The following GTF2F2 variants were observed in gnomAD, a reference collection of about 807,000 sequenced individuals.
GTF2F2 encodes the protein general transcription factor IIF subunit 2.
GTF2F2 carries 23 observed loss-of-function variants against 42.2 expected under a neutral mutation model. The ratio of observed to expected loss-of-function variants is 0.55; its 90% confidence interval spans 0.39 to 0.77. The LOEUF (loss-of-function observed/expected upper bound fraction) is 0.77, where lower values mean the gene tolerates loss of function less well. Among genes scored for constraint, GTF2F2 ranks in the 30% least tolerant of loss-of-function variants. The pLI is 0.00. For synonymous variants in GTF2F2, 105 were observed against 100.8 expected, an observed-to-expected ratio of 1.04 and a Z score of -0.25; for missense variants, 261 against 287.2, an observed-to-expected ratio of 0.91 and a Z score of 0.66.
chr13:45,245,920 G>A (rs1351754273), intron 5 of GTF2F2, among the ~76,000 whole-genome samples: 1 of 132,702 alleles, frequency 7.5e-6, no homozygotes, highest in African/African-American at 2.8e-5. Context: ...CAGCCTGGGC[G>A]ACTAGCGAGA....
chr13:45,234,279 T>G (rs1874835394), intron 5 of GTF2F2, among the ~76,000 whole-genome samples: 1 of 152,214 alleles, frequency 6.6e-6, no homozygotes, highest in Non-Finnish European at 1.5e-5. Context: ...CCCTTGCATT[T>G]TGTAGTTTTT....
chr13:45,190,074 A>C (rs1403101604), intron 4 of GTF2F2, among the ~76,000 whole-genome samples: 2 of 152,158 alleles, frequency 1.3e-5, no homozygotes, highest in Admixed American at 6.5e-5. Context: ...CAACCTACAG[A>C]ATGGGAGAAA....
chr13:45,128,356 C>T (rs1034553641), intron 1 of GTF2F2, among the ~76,000 whole-genome samples: 5 of 149,230 alleles, frequency 3.4e-5, no homozygotes, highest in Admixed American at 1.3e-4. Context: ...GGGCAGATCA[C>T]GAGGTCAGGA....
intron 4 of GTF2F2, among the ~76,000 whole-genome samples, chr13:45,184,498 C>G: frequency 6.6e-6 from 1 of 151,316 alleles, no homozygotes. Flanking sequence ...AAGCAATCTT[C>G]CCACTTCGAC....
chr13:45,259,530 G>A (rs1876243901), intron 6 of GTF2F2, among the ~76,000 whole-genome samples: 1 of 151,810 alleles, frequency 6.6e-6, no homozygotes, highest in African/African-American at 2.4e-5. Flanking sequence ...GGTAATTCTA[G>A]TATGCAGCCA....
chr13:45,197,778 A>G (rs1872974188), intron 4 of GTF2F2, among the ~76,000 whole-genome samples: 1 of 152,184 alleles, frequency 6.6e-6, no homozygotes, highest in Non-Finnish European at 1.5e-5. Flanking sequence ...CTAAAACTAT[A>G]AAAATGGTGC....
chr13:45,249,688 C>G (rs779568237), intron 5 of GTF2F2, among the ~76,000 whole-genome samples: 1 of 152,190 alleles, frequency 6.6e-6, no homozygotes, highest in Non-Finnish European at 1.5e-5. Context: ...TAGTGCATGC[C>G]TCCTTCCTTG....
At chr13:45,271,672 C>T (rs925223714) in intron 7 of GTF2F2, among the ~76,000 whole-genome samples, 3 of 152,110 alleles carry the variant, frequency 2.0e-5, no homozygotes, top group African/African-American at 7.2e-5. Flanking sequence ...CTGCCTCAGC[C>T]CCCCGAGTAG....
chr13:45,222,390 T>C (rs969855509), intron 5 of GTF2F2, among the ~76,000 whole-genome samples: 10 of 152,184 alleles, frequency 6.6e-5, no homozygotes, highest in African/African-American at 2.4e-4. Context: ...AAGTTTTTTA[T>C]TTGTTGAGTC....
At chr13:45,243,872 G>T (rs572267486) in intron 5 of GTF2F2, among the ~76,000 whole-genome samples, 62 of 152,272 alleles carry the variant, frequency 4.1e-4, no homozygotes, top group African/African-American at 1.4e-3. Context: ...TGTTGGCCAG[G>T]CTGGTCTCAA....
intron 4 of GTF2F2, among the ~76,000 whole-genome samples, chr13:45,179,696 C>A (rs1429145111): frequency 6.6e-6 from 1 of 152,072 alleles, no homozygotes; most frequent in Admixed American, 6.5e-5. Context: ...CTCATTTTCC[C>A]CATATTTGGG....
intron 4 of GTF2F2, among the ~76,000 whole-genome samples, chr13:45,165,310 A>AGT (rs1300351651): frequency 7.1e-6 from 1 of 141,704 alleles, no homozygotes; most frequent in Non-Finnish European, 1.5e-5. Context: ...TTATATCTAA[A>AGT]ATATATATAT....
At chr13:45,180,408 TAGAC>T (rs1380047181) in intron 4 of GTF2F2, among the ~76,000 whole-genome samples, 1 of 152,302 alleles carries the variant, frequency 6.6e-6, no homozygotes, top group South Asian at 2.1e-4. Context: ...CTGTTTTAGT[TAGAC>T]AGTTATAATT....
intron 4 of GTF2F2, among the ~76,000 whole-genome samples, chr13:45,168,190 T>G (rs1871394682): frequency 6.6e-6 from 1 of 152,216 alleles, no homozygotes; most frequent in African/African-American, 2.4e-5. Context: ...TGGGACAGAC[T>G]CCTATAGATT....
At chr13:45,248,288 G>A (rs1166756328) in intron 5 of GTF2F2, among the ~76,000 whole-genome samples, 13 of 152,138 alleles carry the variant, frequency 8.5e-5, no homozygotes, top group African/African-American at 3.1e-4. Flanking sequence ...TTATTTTATA[G>A]ATGTACTGTA....
chr13:45,277,213 A>G (rs993558676), intron 7 of GTF2F2, among the ~76,000 whole-genome samples: 6 of 152,230 alleles, frequency 3.9e-5, no homozygotes, highest in African/African-American at 1.4e-4. Context: ...GCATTGCTCT[A>G]ACAAAATACC....
chr13:45,171,143 T>G (rs919421234), intron 4 of GTF2F2, among the ~76,000 whole-genome samples: 2 of 146,010 alleles, frequency 1.4e-5, no homozygotes, highest in African/African-American at 5.1e-5. Flanking sequence ...AGTAATTCGA[T>G]CTTGGCTCAC....
chr13:45,221,151 C>T (rs1003903139), intron 5 of GTF2F2, among the ~76,000 whole-genome samples: 3 of 152,062 alleles, frequency 2.0e-5, no homozygotes, highest in South Asian at 2.1e-4. Context: ...GTTAGCCCAC[C>T]TCTAATGCAG....
rs1413293469 is a variant in GTF2F2, at chr13:45,212,908, A to C, written c.386+5403A>C. On this transcript the variant is annotated intron_variant, in intron 5 of 7. Coordinates refer to ENST00000340473, the MANE Select transcript of GTF2F2 (RefSeq NM_004128.3). ...AGGCATGTGCCACCACGCCTGGCTAATTTTTGTGTTTTTAGTAGAGACAGG... is the reference window on the plus strand; with the variant it reads ...AGGCATGTGCCACCACGCCTGGCTACTTTTTGTGTTTTTAGTAGAGACAGG... Among the ~76,000 whole-genome samples the C allele has an allele frequency of 4.6e-5, 7 of 151,034 alleles. No homozygotes were observed. The South Asian group carries it at 1.3e-3, about 27-fold the overall frequency.
Sources: gnomAD v4.1 joint callset for allele counts (sites outside exome capture counted in the v4.1 genomes callset) on GRCh38, gnomAD v4.1.1 for gene constraint, MANE v1.5 for transcripts, NCBI Gene and HGNC (gene_info 2026-07-23, HGNC 2026-07-21) for gene names.